The following STX8 variants were observed in gnomAD, a reference collection of about 807,000 sequenced individuals.
STX8 encodes the protein syntaxin-8.
In STX8, 23 loss-of-function variants were observed where a neutral mutation model predicts 37.5. The ratio of observed to expected loss-of-function variants is 0.61; its 90% CI spans 0.44 to 0.87. The LOEUF (loss-of-function observed/expected upper bound fraction) is 0.87. Among genes scored for constraint, STX8 ranks in the 40% least tolerant of loss-of-function variants. STX8 has a pLI of 0.00. For missense variants in STX8, 313 were observed against 284.7 expected (o/e 1.10, Z -0.71); for synonymous variants, 115 against 99.1 (o/e 1.16, Z -0.95).
At position 9,374,361 on chromosome 17, in the gene STX8, C is replaced by T. The variant is rs374997129; in HGVS notation, c.643+4191G>A. Reference sequence around the variant, plus strand: ...CCTTCCAAAGTGCTGGGATTACAGGCGTGAGCCACCATGCCCAGCCAAAAG... The same window carrying T: ...CCTTCCAAAGTGCTGGGATTACAGGTGTGAGCCACCATGCCCAGCCAAAAG... On this transcript the variant is annotated intron_variant, in intron 7 of 7. Coordinates refer to ENST00000306357, the MANE Select transcript of STX8 (RefSeq NM_004853.3). Among the ~76,000 whole-genome samples, 9 of 152,220 alleles carry T rather than the reference C, an allele frequency of 5.9e-5. No individual in the cohort carries two copies. In the East Asian group the frequency reaches 1.5e-3, roughly 26 times the overall value.
At chr17:9,399,536 T>C (rs1461920050) in intron 6 of STX8, among the ~76,000 whole-genome samples, 1 of 152,150 alleles carries the variant, frequency 6.6e-6, no homozygotes, top group African/African-American at 2.4e-5. Flanking sequence ...ATCCCAAGCC[T>C]GCCCTGTTTG....
chr17:9,259,201 A>G (rs1285746046), intron 7 of STX8, among the ~76,000 whole-genome samples: 1 of 152,216 alleles, frequency 6.6e-6, no homozygotes, highest in Non-Finnish European at 1.5e-5. Context: ...AACAAGACTG[A>G]AAAATCCTGA....
chr17:9,487,906 T>C (rs553346020), intron 6 of STX8, among the ~76,000 whole-genome samples: 5 of 152,300 alleles, frequency 3.3e-5, no homozygotes, highest in South Asian at 4.2e-4. Context: ...GCTAAATACA[T>C]TGTCTGCATA....
At chr17:9,449,250 T>G (rs1281620771) in intron 6 of STX8, among the ~76,000 whole-genome samples, 2 of 152,198 alleles carry the variant, frequency 1.3e-5, no homozygotes, top group African/African-American at 4.8e-5. Flanking sequence ...CAACTCAATG[T>G]CCTTCCACTG....
chr17:9,508,637 GA>G (rs1904924847), intron 4 of STX8, among the ~76,000 whole-genome samples: 1 of 152,174 alleles, frequency 6.6e-6, no homozygotes, highest in Non-Finnish European at 1.5e-5. Flanking sequence ...CTGAATTTTT[GA>G]ACTTGAAGAC....
At chr17:9,418,446 A>C (rs1209757196) in intron 6 of STX8, among the ~76,000 whole-genome samples, 1 of 151,224 alleles carries the variant, frequency 6.6e-6, no homozygotes, top group Non-Finnish European at 1.5e-5. Flanking sequence ...AAGAGGATTT[A>C]TTCAAGAAAT....
chr17:9,489,546 C>T (rs1276648502), intron 6 of STX8, among the ~76,000 whole-genome samples: 1 of 152,186 alleles, frequency 6.6e-6, no homozygotes. Context: ...GACACTGCAG[C>T]TTACCTGCAC....
At chr17:9,284,228 G>C (rs1033168121) in intron 7 of STX8, among the ~76,000 whole-genome samples, 3 of 152,164 alleles carry the variant, frequency 2.0e-5, no homozygotes, top group Non-Finnish European at 4.4e-5. Flanking sequence ...GATCTGCACA[G>C]CTCTTTTCAG....
rs1005343430 is a variant in STX8 at position 9,377,303 on chromosome 17, C to T, written c.643+1249G>A. Among the ~76,000 whole-genome samples, 3 of 145,272 alleles carry T rather than the reference C, an allele frequency of 2.1e-5. No individual in the cohort carries two copies. The East Asian group carries it at 6.0e-4, about 29-fold the overall frequency. ...TTTTTTTTAAATTGCTTTTGTAATT[C>T]TTTTTTTTTTTTAAAGACACAAGGT... On this transcript the variant is annotated intron_variant, in intron 7 of 7. Transcript: ENST00000306357.
At chr17:9,547,860 T>C (rs183495327) in intron 3 of STX8, among the ~76,000 whole-genome samples, 265 of 150,290 alleles carry the variant, frequency 1.8e-3, no homozygotes, top group African/African-American at 6.4e-3. Context: ...TGTTGCAACC[T>C]TGGCTCACTG....
intron 7 of STX8, among the ~76,000 whole-genome samples, chr17:9,343,529 C>G (rs190108072): frequency 3.0e-4 from 46 of 152,284 alleles, no homozygotes; most frequent in Admixed American, 2.7e-3. Context: ...TTAAAGAGGT[C>G]TTGATTTATC....
chr17:9,396,602 C>T (rs1263189798), intron 6 of STX8, among the ~76,000 whole-genome samples: 2 of 149,648 alleles, frequency 1.3e-5, no homozygotes, highest in Non-Finnish European at 3.0e-5. Flanking sequence ...CCCAGCTACT[C>T]GGGAGGCTGA....
intron 7 of STX8, among the ~76,000 whole-genome samples, chr17:9,295,351 T>C (rs903951056): frequency 1.2e-4 from 19 of 152,220 alleles, no homozygotes; most frequent in Admixed American, 3.9e-4. Flanking sequence ...GAGACCACCT[T>C]AGTCAACTTT....
chr17:9,370,374 G>A (rs899239980), intron 7 of STX8, among the ~76,000 whole-genome samples: 4 of 152,102 alleles, frequency 2.6e-5, no homozygotes, highest in African/African-American at 7.2e-5. Context: ...GAAGGGAACT[G>A]AGACTTAGAG....
chr17:9,518,850 C>T (rs534599096), intron 4 of STX8, among the ~76,000 whole-genome samples: 9 of 141,132 alleles, frequency 6.4e-5, no homozygotes, highest in African/African-American at 2.2e-4. Flanking sequence ...GCCTGGGCGG[C>T]AGAGCGAGAC....
chr17:9,412,281 A>ATT (rs529582626), intron 6 of STX8, among the ~76,000 whole-genome samples: 1,807 of 144,304 alleles, frequency 0.013, 39 homozygotes, highest in African/African-American at 0.044. Flanking sequence ...CACAGCAGCA[A>ATT]TTTTTTTTTT....
intron 7 of STX8, among the ~76,000 whole-genome samples, chr17:9,314,517 C>G (rs1466613845): frequency 5.3e-5 from 8 of 151,872 alleles, no homozygotes; most frequent in African/African-American, 1.9e-4. Context: ...TCTGCCTCAG[C>G]CTCCCGAGTA....
intron 7 of STX8, among the ~76,000 whole-genome samples, chr17:9,265,567 T>C (rs538594635): frequency 6.6e-6 from 1 of 152,250 alleles, no homozygotes; most frequent in Non-Finnish European, 1.5e-5. Flanking sequence ...ACGTTACACA[T>C]TGAGCAGCTC....
At chr17:9,268,649 T>G (rs1049275051) in intron 7 of STX8, among the ~76,000 whole-genome samples, 2 of 152,222 alleles carry the variant, frequency 1.3e-5, no homozygotes, top group East Asian at 3.9e-4. Context: ...ATTTTCGGAG[T>G]TGGCTGTTAG....
Sources: allele counts gnomAD v4.1 joint callset (sites outside exome capture counted in the v4.1 genomes callset), GRCh38; gene constraint gnomAD v4.1.1; transcripts MANE v1.5; gene names NCBI Gene and HGNC (gene_info 2026-07-23, HGNC 2026-07-21).